Variants in LRP1B observed in about 807,000 individuals in gnomAD.
The protein encoded by LRP1B is low-density lipoprotein receptor-related protein 1B.
LRP1B carries 217 observed loss-of-function variants against 556.6 expected under a neutral mutation model. The ratio of observed to expected loss-of-function variants is 0.39; its 90% CI spans 0.35 to 0.44. LRP1B has a LOEUF of 0.44. LRP1B is among the 20% of genes least tolerant of loss of function. The pLI, the probability that LRP1B is intolerant of heterozygous loss-of-function variation, is 1.00. For missense variants in LRP1B, 5,053 were observed against 5,620.8 expected (o/e 0.90, Z 3.23); for synonymous variants, 2,047 against 1,865.8 (o/e 1.10, Z -2.50).
At chr2:140,320,338 A>G (rs1297129814) in intron 82 of LRP1B, among the ~76,000 whole-genome samples, 1 of 152,162 alleles carries the variant, frequency 6.6e-6, no homozygotes, top group African/African-American at 2.4e-5. Flanking sequence ...AAAGTACTAC[A>G]ATAGTTTTAG....
chr2:140,822,598 G>A (rs1196261527), intron 31 of LRP1B, among the ~76,000 whole-genome samples: 1 of 152,220 alleles, frequency 6.6e-6, no homozygotes, highest in Non-Finnish European at 1.5e-5. Context: ...AATTGGCTAA[G>A]AGGTGAAATT....
intron 3 of LRP1B, among the ~76,000 whole-genome samples, chr2:141,330,148 T>C (rs2714183): frequency 0.6 from 90,587 of 152,062 alleles, 28,191 homozygotes; most frequent in African/African-American, 0.73. Context: ...ACAATGTTTG[T>C]TCCAGAATTG....
intron 1 of LRP1B, among the ~76,000 whole-genome samples, chr2:141,836,337 T>C (rs561377790): frequency 6.6e-6 from 1 of 152,148 alleles, no homozygotes; most frequent in South Asian, 2.1e-4. Context: ...TTAATTGTTA[T>C]TTTTTCTGAT....
At chr2:141,983,997 G>A (rs1702115858) in intron 1 of LRP1B, among the ~76,000 whole-genome samples, 1 of 152,100 alleles carries the variant, frequency 6.6e-6, no homozygotes, top group Admixed American at 6.6e-5. Context: ...GGAGGTGGAG[G>A]TTGCAGTGAA....
At chr2:141,259,984 C>G (rs1451826176) in intron 3 of LRP1B, among the ~76,000 whole-genome samples, 2 of 152,098 alleles carry the variant, frequency 1.3e-5, no homozygotes, top group Non-Finnish European at 2.9e-5. Flanking sequence ...CGTATATACA[C>G]TATAAGCAAT....
At chr2:140,363,290 A>G (rs1682605194) in intron 72 of LRP1B, among the ~76,000 whole-genome samples, 2 of 151,674 alleles carry the variant, frequency 1.3e-5, no homozygotes, top group East Asian at 1.9e-4. Flanking sequence ...AAAAATGTTC[A>G]GACAGTCAAT....
At chr2:140,296,725 G>GTAAAA (rs1389709134) in intron 84 of LRP1B, among the ~76,000 whole-genome samples, 1 of 152,172 alleles carries the variant, frequency 6.6e-6, no homozygotes, top group Admixed American at 6.6e-5. Flanking sequence ...GAAAGTAGAT[G>GTAAAA]TAAAATAAGA....
At chr2:141,940,020 T>A (rs1700750876) in intron 1 of LRP1B, among the ~76,000 whole-genome samples, 1 of 152,156 alleles carries the variant, frequency 6.6e-6, no homozygotes, top group African/African-American at 2.4e-5. Context: ...AAATCTCAAG[T>A]CCTCAGTATA....
chr2:141,072,194 C>T (rs34992589), intron 7 of LRP1B, among the ~76,000 whole-genome samples: 8,523 of 152,080 alleles, frequency 0.056, 346 homozygotes, highest in Non-Finnish European at 0.086. Context: ...TTGAATGTTC[C>T]AGAATATTAT....
intron 6 of LRP1B, among the ~76,000 whole-genome samples, chr2:141,215,242 G>T (rs1447370697): frequency 2.0e-5 from 3 of 152,132 alleles, no homozygotes; most frequent in Admixed American, 2.0e-4. Flanking sequence ...AGCCATGATT[G>T]CAACCTTCCT....
At chr2:140,710,094 C>T (rs1226472019) in intron 37 of LRP1B, among the ~76,000 whole-genome samples, 2 of 151,922 alleles carry the variant, frequency 1.3e-5, no homozygotes, top group East Asian at 1.9e-4. Context: ...CTACATATGT[C>T]AAAGATTTCT....
At chr2:141,447,583 G>A (rs1000041309) in intron 3 of LRP1B, among the ~76,000 whole-genome samples, 9 of 152,054 alleles carry the variant, frequency 5.9e-5, no homozygotes, top group African/African-American at 1.9e-4. Flanking sequence ...GGTGACCTTC[G>A]AATGGGTTTT....
intron 2 of LRP1B, among the ~76,000 whole-genome samples, chr2:141,783,404 C>A (rs16847169): frequency 9.2e-5 from 14 of 152,006 alleles, no homozygotes; most frequent in South Asian, 2.1e-4. Flanking sequence ...TATCCAAAGA[C>A]CTTACAGTCA....
intron 11 of LRP1B, among the ~76,000 whole-genome samples, chr2:141,045,623 T>C (rs1698846219): frequency 1.3e-5 from 2 of 152,054 alleles, no homozygotes. Context: ...GCAGTTATCA[T>C]TATCTTATTC....
At chr2:140,452,961 G>GT (rs5834746) in intron 62 of LRP1B, among the ~76,000 whole-genome samples, 87,492 of 126,724 alleles carry the variant, frequency 0.69, 30,872 homozygotes, top group East Asian at 0.9. Context: ...GTGTGTGTGT[G>GT]TTTTTTTTTT....
At chr2:140,669,193 T>C (rs930244714) in intron 41 of LRP1B, among the ~76,000 whole-genome samples, 1 of 152,170 alleles carries the variant, frequency 6.6e-6, no homozygotes, top group Non-Finnish European at 1.5e-5. Flanking sequence ...GTTTCTTTAT[T>C]AGTAAATATT....
chr2:141,953,634 C>T (rs993833713), intron 1 of LRP1B, among the ~76,000 whole-genome samples: 6 of 151,984 alleles, frequency 3.9e-5, no homozygotes, highest in African/African-American at 9.7e-5. Context: ...CAAGAGTCGC[C>T]TAGTTTGAGA....
At chr2:141,809,173 G>C (rs1316697961) in intron 2 of LRP1B, among the ~76,000 whole-genome samples, 3 of 152,012 alleles carry the variant, frequency 2.0e-5, no homozygotes, top group African/African-American at 7.2e-5. Context: ...TCAAAATAAA[G>C]CGAAGCAATT....
intron 1 of LRP1B, among the ~76,000 whole-genome samples, chr2:141,859,947 G>C (rs1210440824): frequency 6.6e-6 from 1 of 152,088 alleles, no homozygotes; most frequent in Non-Finnish European, 1.5e-5. Flanking sequence ...AACAATGTTA[G>C]AATTTATATC....
Sources: gnomAD v4.1 joint callset for allele counts (sites outside exome capture counted in the v4.1 genomes callset) on GRCh38, gnomAD v4.1.1 for gene constraint, MANE v1.5 for transcripts, NCBI Gene and HGNC (gene_info 2026-07-23, HGNC 2026-07-21) for gene names.